SCFD2: variants seen among roughly 807,000 people sequenced by gnomAD.
SCFD2 encodes sec1 family domain-containing protein 2.
In SCFD2, 54 loss-of-function variants were observed where a neutral mutation model predicts 58.9. The observed-to-expected ratio is 0.92, with a 90% confidence interval of 0.74 to 1.15. The LOEUF (loss-of-function observed/expected upper bound fraction) is 1.15. Among genes scored for constraint, SCFD2 ranks in the 50% most tolerant of loss-of-function variants. The probability of loss-of-function intolerance (pLI) is 0.00; values close to 1 mark genes in which losing one functional copy is unlikely to be tolerated. For synonymous variants in SCFD2, 321 were observed against 335.9 expected, an observed-to-expected ratio of 0.96 and a Z score of 0.49; for missense variants, 805 against 836.6, an observed-to-expected ratio of 0.96 and a Z score of 0.47.
chr4:53,217,796 A>G (rs1307989613), intron 4 of SCFD2, among the ~76,000 whole-genome samples: 1 of 151,992 alleles, frequency 6.6e-6, no homozygotes, highest in African/African-American at 2.4e-5. Context: ...GTTCCTTTCC[A>G]TGTTTAGTGC....
intron 1 of SCFD2, among the ~76,000 whole-genome samples, chr4:53,355,349 T>C (rs1262403931): frequency 1.3e-5 from 2 of 152,224 alleles, no homozygotes; most frequent in South Asian, 2.1e-4. Context: ...TTTCTCTAGC[T>C]ATTCTAGAAG....
At position 53,365,734 on chromosome 4, in the gene SCFD2, G is replaced by A; in HGVS notation, c.208C>T (p.Gln70Ter). The change falls in exon 1 of 9, where the codon CAG (glutamine) becomes TAG (stop). Residue 70 changes from glutamine to a stop codon, truncating the protein, a stop_gained. Transcript: ENST00000401642. LOFTEE classifies it high-confidence loss of function. This position sits in a 1 kb window ranked among gnomAD's most constrained non-coding sequence, Gnocchi z 4.3. Reference sequence around the variant, plus strand: ...CTCAGCACAAACACTGCCTTGGGCTGCTTGGCTCCACCACCAATTGCGTCG... The same window carrying A: ...CTCAGCACAAACACTGCCTTGGGCTACTTGGCTCCACCACCAATTGCGTCG... Reference protein sequence around the residue: ...EPDAIGGGAKQPKAVFVLSCL... With the variant: ...EPDAIGGGAK 1 of 1,614,058 alleles carries A rather than the reference G, an allele frequency of 6.2e-7. No individual in the cohort carries two copies. The highest frequency in any genetic ancestry group is 8.5e-7 in the Non-Finnish European group (1 of 1,179,972).
At chr4:53,105,382 G>T (rs558374956) in intron 5 of SCFD2, among the ~76,000 whole-genome samples, 1 of 151,620 alleles carries the variant, frequency 6.6e-6, no homozygotes, top group Admixed American at 6.6e-5. Flanking sequence ...GGAGCCAAGT[G>T]GTCTAGCTCA....
At chr4:53,035,318 A>C (rs529301243) in intron 5 of SCFD2, among the ~76,000 whole-genome samples, 15 of 152,210 alleles carry the variant, frequency 9.9e-5, no homozygotes, top group Non-Finnish European at 2.2e-4. Flanking sequence ...TTAAGCAAAA[A>C]TTAACTCAAG....
chr4:53,243,543 T>A (rs139265939), intron 4 of SCFD2, among the ~76,000 whole-genome samples: 1 of 152,238 alleles, frequency 6.6e-6, no homozygotes, highest in East Asian at 1.9e-4. Flanking sequence ...GTACACAGAC[T>A]AGTGATGCTG....
intron 5 of SCFD2, among the ~76,000 whole-genome samples, chr4:52,954,784 C>T (rs191537517): frequency 8.5e-5 from 13 of 152,098 alleles, no homozygotes; most frequent in African/African-American, 2.4e-4. Flanking sequence ...AAAGAGCTGG[C>T]GGTTTTGCAG....
At chr4:52,916,894 A>G (rs1032847937) in intron 6 of SCFD2, among the ~76,000 whole-genome samples, 2 of 152,150 alleles carry the variant, frequency 1.3e-5, no homozygotes, top group Non-Finnish European at 2.9e-5. Context: ...TACTATTCTA[A>G]GAAGTTTTTT....
intron 5 of SCFD2, among the ~76,000 whole-genome samples, chr4:52,954,808 A>G (rs1720673252): frequency 6.6e-6 from 1 of 152,194 alleles, no homozygotes; most frequent in African/African-American, 2.4e-5. Flanking sequence ...TACACATCTG[A>G]CTAAAAAGTG....
In SCFD2 at chr4:53,365,485, C is replaced by A; in HGVS notation, c.457G>T (p.Val153Leu). 6.2e-7 allele frequency: 1 copy of A among 1,614,196 alleles called. No individual in the cohort carries two copies. The highest frequency in any genetic ancestry group is 8.5e-7 in the Non-Finnish European group (1 of 1,180,036). ...WMGNMNYTAE[V>L]FHVPLLLAPV... ...GCAAGCAATAACGGGACATGGAACA[C>A]CTCGGCCGTGTAGTTCATGTTGCCC... Residue 153 changes from valine to leucine, a missense_variant, in exon 1 of 9, where the codon GTG (valine) becomes TTG (leucine). This residue lies in a region of SCFD2 where 633 missense variants were observed against 646.8 expected (regional missense o/e 0.98). Coordinates refer to ENST00000401642, the MANE Select transcript of SCFD2 (RefSeq NM_152540.4). The surrounding 1 kb of genome is among the most constrained non-coding windows in gnomAD (Gnocchi z 4.3).
chr4:52,932,730 C>T (rs1020730518), intron 5 of SCFD2, among the ~76,000 whole-genome samples: 4 of 152,034 alleles, frequency 2.6e-5, no homozygotes, highest in Admixed American at 2.6e-4. Flanking sequence ...TCAAATGAGG[C>T]CCCCACTTTC....
intron 4 of SCFD2, among the ~76,000 whole-genome samples, chr4:53,216,764 G>T (rs1370886756): frequency 1.3e-5 from 2 of 152,090 alleles, no homozygotes; most frequent in Non-Finnish European, 2.9e-5. Flanking sequence ...GATCTTTCCT[G>T]CTTTCTCTTG....
At chr4:53,006,017 C>T (rs1216474711) in intron 5 of SCFD2, among the ~76,000 whole-genome samples, 1 of 152,166 alleles carries the variant, frequency 6.6e-6, no homozygotes, top group African/African-American at 2.4e-5. Context: ...TCTCCCTCCC[C>T]GACTCCTGAC....
At chr4:52,961,666 TTA>T (rs1344398087) in intron 5 of SCFD2, among the ~76,000 whole-genome samples, 3 of 152,070 alleles carry the variant, frequency 2.0e-5, no homozygotes, top group Admixed American at 1.3e-4. Flanking sequence ...AATAAGAACT[TTA>T]TATCTTATTA....
At chr4:53,339,706 GT>G (rs1388522613) in intron 2 of SCFD2, among the ~76,000 whole-genome samples, 2 of 151,986 alleles carry the variant, frequency 1.3e-5, no homozygotes, top group African/African-American at 4.8e-5. Context: ...GGAGGCAGAG[GT>G]TGCAGTGGGC....
At chr4:53,104,608 G>GT (rs766168541) in intron 5 of SCFD2, among the ~76,000 whole-genome samples, 1 of 152,118 alleles carries the variant, frequency 6.6e-6, no homozygotes, top group Admixed American at 6.5e-5. Flanking sequence ...CCATACTAAC[G>GT]TAAGATGTAA....
At chr4:53,360,067 C>G (rs1422260145) in intron 1 of SCFD2, among the ~76,000 whole-genome samples, 1 of 152,136 alleles carries the variant, frequency 6.6e-6, no homozygotes, top group African/African-American at 2.4e-5. Context: ...GACTTGTGGT[C>G]TTAATAAGTA....
intron 5 of SCFD2, chr4:52,956,472 G>A (rs1456456895): frequency 1.2e-5 from 4 of 344,784 alleles, no homozygotes; most frequent in Non-Finnish European, 2.3e-5. Flanking sequence ...CTGGGACAGT[G>A]CAACGAGGAC....
At chr4:53,351,665 G>A (rs1734223195) in intron 2 of SCFD2, among the ~76,000 whole-genome samples, 1 of 152,092 alleles carries the variant, frequency 6.6e-6, no homozygotes, top group Non-Finnish European at 1.5e-5. Context: ...CAAGCCTTTA[G>A]GCCTATGCTT....
At chr4:53,176,212 T>G (rs1727323421) in intron 4 of SCFD2, among the ~76,000 whole-genome samples, 1 of 152,208 alleles carries the variant, frequency 6.6e-6, no homozygotes, top group Non-Finnish European at 1.5e-5. Flanking sequence ...ACAAACAACT[T>G]CTTTCAAAAG....
Sources: allele counts gnomAD v4.1 joint callset (sites outside exome capture counted in the v4.1 genomes callset), GRCh38; gene constraint gnomAD v4.1.1; regional missense constraint gnomAD v4.1.1; non-coding constraint Gnocchi (gnomAD v3.1); transcripts MANE v1.5; gene names NCBI Gene and HGNC (gene_info 2026-07-23, HGNC 2026-07-21).